PUM2: variants seen among roughly 807,000 people sequenced by gnomAD.
PUM2 encodes the protein pumilio RNA binding family member 2.
A neutral mutation model predicts 124.5 loss-of-function variants in PUM2; 57 were observed. That is an observed-to-expected ratio of 0.46 (90% CI 0.37 to 0.57). The LOEUF is 0.57. Ranked by LOEUF, PUM2 falls within the 20% of genes least tolerant of loss-of-function variation. The pLI is 0.00. For missense variants in PUM2, 1,065 were observed against 1,290.6 expected (o/e 0.83, Z 2.68); for synonymous variants, 460 against 446.1 (o/e 1.03, Z -0.39).
intron 1 of PUM2, among the ~76,000 whole-genome samples, chr2:20,342,320 A>C (rs1167416728): frequency 6.6e-6 from 1 of 152,190 alleles, no homozygotes. Context: ...CTCAGAAATA[A>C]GTGATCCCTT....
At chr2:20,350,566 C>G in intron 1 of PUM2, 31 bp downstream of exon 1, 1 of 985,496 alleles carries the variant, frequency 1.0e-6, no homozygotes, top group Non-Finnish European at 1.2e-6. Flanking sequence ...CGCCAAAGGA[C>G]CGGAGAAAGA....
chr2:20,324,320 A>G (rs1683149638), intron 2 of PUM2, among the ~76,000 whole-genome samples: 1 of 152,190 alleles, frequency 6.6e-6, no homozygotes. Flanking sequence ...ATCTTAGTAC[A>G]CAGGCTTTCT....
At chr2:20,325,378 T>C (rs955029407) in intron 2 of PUM2, among the ~76,000 whole-genome samples, 1 of 152,330 alleles carries the variant, frequency 6.6e-6, no homozygotes, top group East Asian at 1.9e-4. Context: ...AATAAGGAAG[T>C]CTGGATTTAA....
intron 3 of PUM2, among the ~76,000 whole-genome samples, 157 bp downstream of exon 3, chr2:20,318,380 T>C (rs770570534): frequency 3.3e-5 from 5 of 152,250 alleles, no homozygotes; most frequent in South Asian, 2.1e-4. Context: ...GGCAGGAGGA[T>C]TGCATGAGCT....
chr2:20,265,114 C>A (rs149432265), intron 13 of PUM2, among the ~76,000 whole-genome samples: 1 of 151,724 alleles, frequency 6.6e-6, no homozygotes, highest in Admixed American at 6.6e-5. Flanking sequence ...TAGCTGGGCG[C>A]GGTGGCGTGC....
chr2:20,302,408 G>A lies in PUM2; in HGVS notation c.884-4730C>T, dbSNP rs191497037. Among the ~76,000 whole-genome samples, 203 of 152,276 alleles carry A rather than the reference G, an allele frequency of 1.3e-3. 2 individuals carry two copies. Among genetic ancestry groups the A allele is most frequent in the African/African-American group, 4.6e-3 (191 of 41,556 alleles). ...AAAAATTTTGTTTTAATCCATGGTT[G>A]TTTGGCTATCAACAAGGAAATTGTA... On this transcript the variant is annotated intron_variant, in intron 7 of 20. Transcript: ENST00000361078.
intron 13 of PUM2, among the ~76,000 whole-genome samples, chr2:20,273,693 A>G (rs1483381081): frequency 6.6e-6 from 1 of 152,168 alleles, no homozygotes; most frequent in Non-Finnish European, 1.5e-5. Context: ...TTTTCAATTT[A>G]TATTAACATG....
At chr2:20,334,289 G>A (rs1351667765) in intron 1 of PUM2, among the ~76,000 whole-genome samples, 3 of 151,738 alleles carry the variant, frequency 2.0e-5, no homozygotes, top group African/African-American at 7.3e-5. Context: ...CTCCAGATTG[G>A]GTGACAAAGC....
chr2:20,254,244 T>C (rs1664214570), intron 19 of PUM2, among the ~76,000 whole-genome samples: 2 of 152,094 alleles, frequency 1.3e-5, no homozygotes, highest in African/African-American at 2.4e-5. Flanking sequence ...CACTGCAGCC[T>C]TGACCTCCCT....
intron 13 of PUM2, among the ~76,000 whole-genome samples, chr2:20,268,887 T>C (rs954089148): frequency 6.6e-6 from 1 of 152,178 alleles, no homozygotes; most frequent in African/African-American, 2.4e-5. Context: ...GTGGTTGGAC[T>C]ATTATTTTAT....
chr2:20,317,797 T>C (rs1457565921), intron 3 of PUM2, among the ~76,000 whole-genome samples: 1 of 152,124 alleles, frequency 6.6e-6, no homozygotes, highest in Non-Finnish European at 1.5e-5. Flanking sequence ...CAGTATTTGG[T>C]TTTCTGTTCC....
At chr2:20,271,411 T>A (rs1668983250) in intron 13 of PUM2, among the ~76,000 whole-genome samples, 1 of 152,124 alleles carries the variant, frequency 6.6e-6, no homozygotes, top group Non-Finnish European at 1.5e-5. Context: ...TCTCCTGGGT[T>A]CAAGCGATTC....
At chr2:20,278,099 T>C (rs567288436) in intron 13 of PUM2, among the ~76,000 whole-genome samples, 8 of 152,214 alleles carry the variant, frequency 5.3e-5, no homozygotes, top group Non-Finnish European at 7.4e-5. Flanking sequence ...ATAAGCTTCC[T>C]TAAGTGACAA....
chr2:20,270,793 T>C (rs1331779696), intron 13 of PUM2, among the ~76,000 whole-genome samples: 1 of 152,128 alleles, frequency 6.6e-6, no homozygotes, highest in Non-Finnish European at 1.5e-5. Flanking sequence ...TCAAATTCAA[T>C]TACCCAAACA....
chr2:20,292,176 C>T (rs548240381), intron 9 of PUM2, among the ~76,000 whole-genome samples: 2 of 151,474 alleles, frequency 1.3e-5, no homozygotes, highest in South Asian at 2.1e-4. Context: ...GCAACTTGCC[C>T]GGGAGGTGGC....
intron 10 of PUM2, 58 bp from the exon 11 acceptor site, chr2:20,283,544 T>C (rs1355971691): frequency 2.6e-6 from 4 of 1,518,222 alleles, no homozygotes; most frequent in African/African-American, 1.4e-5. Flanking sequence ...TGCATATTTG[T>C]TTTTCCCTGC....
chr2:20,282,951 T>A lies in PUM2; in HGVS notation c.1716A>T (p.Ser572=). 6.2e-7 allele frequency: 1 copy of A among 1,612,750 alleles called. No homozygotes were observed. The highest frequency in any genetic ancestry group is 8.5e-7 in the Non-Finnish European group (1 of 1,179,598). The stretch of plus-strand genomic sequence containing the variant: ...TCATCGTAAAAACAAACTTACCTGA[T>A]GAACCAAATCCACTGAGGGCTGAGC... ...AIGSALSGFG[S]SVGSSASSSA... The change falls in exon 12 of 21, where the codon TCA becomes TCT. Residue 572 remains serine (S), a synonymous_variant. Coordinates refer to ENST00000361078, the MANE Select transcript of PUM2 (RefSeq NM_015317.5).
intron 19 of PUM2, 79 bp downstream of exon 19, chr2:20,254,784 T>C (rs1664362729): frequency 1.4e-6 from 2 of 1,424,460 alleles, no homozygotes; most frequent in East Asian, 2.3e-5. Context: ...TGCTACATGC[T>C]ACACGTATTT....
chr2:20,308,882 T>A (rs1158376102), intron 5 of PUM2, among the ~76,000 whole-genome samples: 3 of 152,178 alleles, frequency 2.0e-5, no homozygotes, highest in Non-Finnish European at 4.4e-5. Context: ...AACTTAGGCT[T>A]ATACTACCTG....
Sources: gnomAD v4.1 joint callset for allele counts (sites outside exome capture counted in the v4.1 genomes callset) on GRCh38, gnomAD v4.1.1 for gene constraint, MANE v1.5 for transcripts, NCBI Gene and HGNC (gene_info 2026-07-23, HGNC 2026-07-21) for gene names.